Variants in AKAP13 observed in about 807,000 individuals in gnomAD.
AKAP13 encodes the protein A-kinase anchoring protein 13.
A neutral mutation model predicts 264.5 loss-of-function variants in AKAP13; 80 were observed. The ratio of observed to expected loss-of-function variants is 0.30; its 90% CI spans 0.25 to 0.36. The LOEUF is 0.36. AKAP13 is among the 10% of genes least tolerant of loss of function. AKAP13 has a pLI of 1.00. For synonymous variants in AKAP13, 1,380 were observed against 1,250.2 expected (o/e 1.10, Z -2.19); for missense variants, 3,712 against 3,435.2 (o/e 1.08, Z -2.01).
intron 1 of AKAP13, among the ~76,000 whole-genome samples, chr15:85,383,930 C>T (rs944380179): frequency 2.0e-5 from 3 of 152,198 alleles, no homozygotes; most frequent in African/African-American, 7.2e-5. Flanking sequence ...AAATCACTCA[C>T]TTCCTCTTCA....
At chr15:85,582,133 A>G (rs1337367215) in intron 7 of AKAP13, 26 bp downstream of exon 7, 3 of 1,546,156 alleles carry the variant, frequency 1.9e-6, no homozygotes, top group East Asian at 4.5e-5. Context: ...TACAAAATTA[A>G]CAGTCTGAGA....
intron 1 of AKAP13, among the ~76,000 whole-genome samples, chr15:85,399,514 A>AT (rs1567038562): frequency 3.1e-4 from 33 of 104,986 alleles, no homozygotes; most frequent in Middle Eastern, 4.3e-3. Context: ...AAAAAAAAAA[A>AT]AAAAAAAATA....
intron 16 of AKAP13, among the ~76,000 whole-genome samples, chr15:85,691,438 C>G (rs1453239191): frequency 6.6e-6 from 1 of 152,192 alleles, no homozygotes; most frequent in African/African-American, 2.4e-5. Context: ...TAAGGACCCA[C>G]CACTCATCAG....
intron 1 of AKAP13, among the ~76,000 whole-genome samples, chr15:85,420,784 G>T (rs927808743): frequency 6.6e-6 from 1 of 152,076 alleles, no homozygotes; most frequent in African/African-American, 2.4e-5. Flanking sequence ...TTAAATGTGG[G>T]CTATTACTTT....
intron 2 of AKAP13, among the ~76,000 whole-genome samples, chr15:85,512,451 G>T (rs1310485285): frequency 6.6e-6 from 1 of 151,982 alleles, no homozygotes; most frequent in African/African-American, 2.4e-5. Context: ...CGACTTGCTT[G>T]CTATGTAACA....
intron 1 of AKAP13, among the ~76,000 whole-genome samples, chr15:85,421,299 A>C (rs1329580410): frequency 1.3e-5 from 2 of 152,250 alleles, no homozygotes; most frequent in Non-Finnish European, 2.9e-5. Flanking sequence ...GCTTATCTGC[A>C]CATTTGAACT....
intron 2 of AKAP13, among the ~76,000 whole-genome samples, chr15:85,506,757 C>T (rs6496027): frequency 0.49 from 74,047 of 151,898 alleles, 18,877 homozygotes; most frequent in Middle Eastern, 0.61. Flanking sequence ...GCCTGACCTT[C>T]ACCAACCATG....
chr15:85,508,518 G>A (rs536023824), intron 2 of AKAP13, among the ~76,000 whole-genome samples: 3 of 151,896 alleles, frequency 2.0e-5, no homozygotes, highest in Non-Finnish European at 2.9e-5. Context: ...GGTACTGCTG[G>A]CTCTTTAGCT....
At position 85,745,102 on chromosome 15, in the gene AKAP13, A is replaced by C. The variant is rs573645217; in HGVS notation, c.*425A>C. The C allele has an allele frequency of 1.9e-5, 3 of 160,340 alleles. No individual in the cohort carries two copies. The highest frequency in any genetic ancestry group is 1.9e-4 in the East Asian group (1 of 5,326). The allele number at this position is 160,340 out of a possible 1,614,324, so 9.9% of individuals were successfully genotyped here. ...TTTTGGACTTGATCTGTGTACGTAC[A>C]TGGGGACCTGTCTGCATATACACAC... is the stretch of plus-strand genomic sequence containing the variant. On this transcript the variant is annotated 3_prime_UTR_variant, in exon 37 of 37. Transcript: ENST00000394518.
At chr15:85,711,828 G>GGT (rs2086647013) in intron 19 of AKAP13, among the ~76,000 whole-genome samples, 1 of 152,052 alleles carries the variant, frequency 6.6e-6, no homozygotes, top group Non-Finnish European at 1.5e-5. Flanking sequence ...GTTTTTTTGT[G>GGT]GTGTGTGGGA....
intron 1 of AKAP13, among the ~76,000 whole-genome samples, chr15:85,453,085 G>A (rs1319999195): frequency 2.6e-5 from 4 of 152,188 alleles, no homozygotes; most frequent in African/African-American, 9.7e-5. Flanking sequence ...GGACCTGTGG[G>A]AGATGGACTG....
chr15:85,665,341 C>T (rs1264755694), intron 13 of AKAP13, among the ~76,000 whole-genome samples: 2 of 152,172 alleles, frequency 1.3e-5, no homozygotes, highest in South Asian at 2.1e-4. Flanking sequence ...CCATCTTTTA[C>T]CCTCTCAATA....
intron 12 of AKAP13, 61 bp from the exon 13 acceptor site, chr15:85,664,502 G>A (rs1173772396): frequency 2.0e-6 from 3 of 1,498,546 alleles, no homozygotes; most frequent in Admixed American, 4.0e-5. Flanking sequence ...GGGATTTTGT[G>A]TCCTCCTTTG....
chr15:85,486,273 T>C (rs1007735132), intron 2 of AKAP13, among the ~76,000 whole-genome samples: 1 of 151,770 alleles, frequency 6.6e-6, no homozygotes, highest in African/African-American at 2.4e-5. Flanking sequence ...TTTGATAATG[T>C]TTTGTTGTTG....
intron 1 of AKAP13, among the ~76,000 whole-genome samples, chr15:85,420,680 C>A (rs1056722495): frequency 5.3e-5 from 8 of 152,130 alleles, no homozygotes; most frequent in Admixed American, 2.0e-4. Flanking sequence ...AGGTCAAGAG[C>A]TAGCTATTTT....
At chr15:85,670,386 G>A (rs2083859137) in intron 14 of AKAP13, among the ~76,000 whole-genome samples, 1 of 151,488 alleles carries the variant, frequency 6.6e-6, no homozygotes. Context: ...CCATATACTG[G>A]CCTTCTCTGG....
chr15:85,520,953 A>T (rs549488641), intron 2 of AKAP13, among the ~76,000 whole-genome samples: 1 of 152,342 alleles, frequency 6.6e-6, no homozygotes, highest in Admixed American at 6.5e-5. Context: ...GAATGTATGG[A>T]CTTGGTAATG....
chr15:85,740,707 A>G (rs2088888327), intron 34 of AKAP13: 1 of 334,752 alleles, frequency 3.0e-6, no homozygotes, highest in Non-Finnish European at 5.5e-6. Context: ...TCTCGTTCCT[A>G]CTTTCTCCCA....
rs762324118 is a variant in AKAP13, at chr15:85,655,444, A to G, written c.4402A>G (p.Ile1468Val). 3 of 1,614,056 alleles carry G rather than the reference A, an allele frequency of 1.9e-6. No homozygotes were observed. Among genetic ancestry groups the G allele is most frequent in the Non-Finnish European group, 2.5e-6 (3 of 1,179,956 alleles). The change falls in exon 11 of 37, where the codon ATC becomes GTC. Residue 1468 changes from isoleucine (I) to valine (V), a missense_variant. Physicochemically the swap from Ile to Val is conservative, Grantham distance 29 (BLOSUM62 3). This residue lies in a region of AKAP13 where 2,759 missense variants were observed against 2,411.7 expected (regional missense o/e 1.14). Transcript: ENST00000394518. ...KPEEEHLACDITGSSSSTDDT... is the reference protein window; with the variant it reads ...KPEEEHLACDVTGSSSSTDDT... ...AGAGGAAGAGCATTTGGCCTGTGAT[A>G]TCACCGGATCCAGTTCATCCACCGA...
Sources: allele counts gnomAD v4.1 joint callset (sites outside exome capture counted in the v4.1 genomes callset), GRCh38; gene constraint gnomAD v4.1.1; regional missense constraint gnomAD v4.1.1; transcripts MANE v1.5; gene names NCBI Gene and HGNC (gene_info 2026-07-23, HGNC 2026-07-21).